Variants in HNF4A observed in about 807,000 individuals in gnomAD.
HNF4A encodes the protein hepatocyte nuclear factor 4 alpha.
HNF4A carries 15 observed loss-of-function variants against 52.4 expected under a neutral mutation model. The observed-to-expected ratio is 0.29, with a 90% CI of 0.19 to 0.44. The LOEUF (loss-of-function observed/expected upper bound fraction) is 0.44, where lower values mean the gene tolerates loss of function less well. HNF4A is among the 20% of genes least tolerant of loss of function. The pLI is 1.00. For synonymous variants in HNF4A, 280 were observed against 264.4 expected, an observed-to-expected ratio of 1.06 and a Z score of -0.57; for missense variants, 479 against 647.2, an observed-to-expected ratio of 0.74 and a Z score of 2.82.
At chr20:44,386,326 C>G (rs563720366) in intron 1 of HNF4A, among the ~76,000 whole-genome samples, 1 of 152,070 alleles carries the variant, frequency 6.6e-6, no homozygotes, top group East Asian at 1.9e-4. Context: ...TGCTACCACG[C>G]TCGGCTAATT....
At chr20:44,362,589 A>C (rs1433243623) in intron 1 of HNF4A, among the ~76,000 whole-genome samples, 1 of 152,012 alleles carries the variant, frequency 6.6e-6, no homozygotes, top group Non-Finnish European at 1.5e-5. Context: ...TGGCTATTTG[A>C]TATGTTTTCT....
chr20:44,367,472 C>G (rs1568690130), intron 1 of HNF4A, among the ~76,000 whole-genome samples: 1 of 150,250 alleles, frequency 6.7e-6, no homozygotes, highest in Non-Finnish European at 1.5e-5. Flanking sequence ...GGTGAAATGC[C>G]GTCTTTACTA....
intron 1 of HNF4A, among the ~76,000 whole-genome samples, chr20:44,396,011 G>T (rs1391266311): frequency 6.6e-6 from 1 of 152,162 alleles, no homozygotes; most frequent in African/African-American, 2.4e-5. Context: ...AGGTCCTTGA[G>T]TTCCCCTGCA....
intron 4 of HNF4A, among the ~76,000 whole-genome samples, 188 bp downstream of exon 4, chr20:44,413,988 C>A (rs536320356): frequency 1.3e-5 from 2 of 152,188 alleles, no homozygotes; most frequent in African/African-American, 2.4e-5. Flanking sequence ...TCGAACCTGG[C>A]GCCCTGGGGC....
In HNF4A at chr20:44,385,544, C is replaced by T. The variant is rs2063212704; in HGVS notation, c.50-20514C>T. Among the ~76,000 whole-genome samples, 8 of 152,098 alleles carry T rather than the reference C, an allele frequency of 5.3e-5. No individual in the cohort carries two copies. In the South Asian group the frequency reaches 1.7e-3, roughly 32 times the overall value. On this transcript the variant is annotated intron_variant, in intron 1 of 9. Transcript: ENST00000316673. ...AGTGTAGTGGCCTGATCTCTTCTCA[C>T]TGCAACCTCCGCCTCCCAGGTTCAA...
intron 1 of HNF4A, among the ~76,000 whole-genome samples, chr20:44,380,494 A>G (rs991696117): frequency 7.2e-5 from 11 of 152,030 alleles, no homozygotes; most frequent in African/African-American, 2.7e-4. Context: ...AAGTTTCACT[A>G]TGTTGCCCAG....
chr20:44,430,660 T>C lies in HNF4A; in HGVS notation c.*995T>C, dbSNP rs976804650. On this transcript the variant is annotated 3_prime_UTR_variant, in exon 10 of 10. Coordinates refer to ENST00000316099, the MANE Select transcript of HNF4A (RefSeq NM_000457.6). ...AGAGGGCCTGCTGGAGAGCATAGGG[T>C]CTGGAACACCAGGCTGAGGTCCTGA... The C allele has an allele frequency of 3.3e-5, 5 of 152,374 alleles. No homozygotes were observed. The highest frequency in any genetic ancestry group is 1.2e-4 in the African/African-American group (5 of 41,384). The allele number at this position is 152,374 out of a possible 1,614,324, so 9.4% of individuals were successfully genotyped here.
intron 1 of HNF4A, among the ~76,000 whole-genome samples, chr20:44,369,455 A>C (rs2063009131): frequency 6.6e-6 from 1 of 151,864 alleles, no homozygotes; most frequent in Admixed American, 6.6e-5. Flanking sequence ...AAAATAAATA[A>C]ATAAATGAAA....
chr20:44,379,686 A>C (rs2063128984), intron 1 of HNF4A, among the ~76,000 whole-genome samples: 1 of 148,000 alleles, frequency 6.8e-6, no homozygotes, highest in African/African-American at 2.5e-5. Flanking sequence ...CAGGTAGCTG[A>C]GATTACAGGC....
At chr20:44,392,242 T>C (rs1377592073) in intron 1 of HNF4A, 2 of 151,994 alleles carry the variant, frequency 1.3e-5, no homozygotes, top group Non-Finnish European at 2.9e-5. Context: ...CTCATTTAAT[T>C]GGCATTTTGA....
At chr20:44,388,846 C>A (rs1408565104) in intron 1 of HNF4A, among the ~76,000 whole-genome samples, 5 of 152,234 alleles carry the variant, frequency 3.3e-5, no homozygotes, top group Admixed American at 3.3e-4. Context: ...TGTCAGGGCT[C>A]CCAGCTGCGG....
rs3181209 is a variant in HNF4A at position 44,403,745 on chromosome 20, G to A, written c.115+2258G>A. ...CCATAAACCCATGGCTCTGCTTCAC[G>A]GGAAGCAGTGCGATGACACCAGGAA... On this transcript the variant is annotated intron_variant, in intron 1 of 9. Transcript: ENST00000316099. 1.8e-3 allele frequency among the ~76,000 whole-genome samples: 268 copies of A among 152,180 alleles called. 2 individuals carry two copies. The highest frequency in any genetic ancestry group is 0.014 in the South Asian group (69 of 4,822).
chr20:44,360,992 A>C (rs1600625302), intron 1 of HNF4A, among the ~76,000 whole-genome samples: 2 of 152,206 alleles, frequency 1.3e-5, no homozygotes, highest in East Asian at 1.9e-4. Flanking sequence ...GGATAGGCCC[A>C]AAATCGAGTA....
chr20:44,404,586 A>G (rs1301345251), intron 1 of HNF4A, among the ~76,000 whole-genome samples: 2 of 149,534 alleles, frequency 1.3e-5, no homozygotes, highest in Non-Finnish European at 3.0e-5. Context: ...ACATTTGTAT[A>G]TGTGTGTGTT....
At chr20:44,420,082 A>G (rs754692193) in intron 7 of HNF4A, among the ~76,000 whole-genome samples, 1 of 152,204 alleles carries the variant, frequency 6.6e-6, no homozygotes, top group Non-Finnish European at 1.5e-5. Flanking sequence ...CTGTAATCCC[A>G]GCACTTTGGG....
In HNF4A at chr20:44,432,472, T is replaced by TA. The variant is rs1362269268; in HGVS notation, c.*2807_*2808insA. On this transcript the variant is annotated 3_prime_UTR_variant, in exon 10 of 10. Coordinates refer to ENST00000316099, the MANE Select transcript of HNF4A (RefSeq NM_000457.6). The stretch of plus-strand genomic sequence containing the variant: ...ATTTCCCCACCAAGACACCCTGATC[T>TA]TCAGGCGGGTCTCAGGAGCTTCTAA... 2 of 150,754 alleles carry TA rather than the reference T, an allele frequency of 1.3e-5. No individual in the cohort carries two copies. Among genetic ancestry groups the TA allele is most frequent in the African/African-American group, 2.4e-5 (1 of 41,012 alleles). 9.3% of individuals were successfully genotyped at this position (150,754 alleles called of 1,614,324 possible). A position where few individuals can be genotyped will look rare whatever the true frequency, so the allele number is the denominator to read the frequency against.
intron 1 of HNF4A, among the ~76,000 whole-genome samples, chr20:44,356,239 G>T (rs2062856568): frequency 1.3e-5 from 2 of 152,212 alleles, no homozygotes; most frequent in East Asian, 3.9e-4. Flanking sequence ...CCTAGGTCAC[G>T]TTGCTGGTGC....
At chr20:44,396,916 A>G (rs1425596060), upstream of HNF4A, among the ~76,000 whole-genome samples, 1 of 152,208 alleles carries the variant, frequency 6.6e-6, no homozygotes, top group African/African-American at 2.4e-5. Context: ...TCCCCTAAAG[A>G]GAGGTCAGGG....
intron 1 of HNF4A, among the ~76,000 whole-genome samples, chr20:44,368,405 G>C (rs888612807): frequency 1.3e-5 from 2 of 151,528 alleles, no homozygotes; most frequent in African/African-American, 4.9e-5. Context: ...GACCTCAAGT[G>C]ATCCACCTGC....
Sources: allele counts gnomAD v4.1 joint callset (sites outside exome capture counted in the v4.1 genomes callset), GRCh38; gene constraint gnomAD v4.1.1; transcripts MANE v1.5; gene names NCBI Gene and HGNC (gene_info 2026-07-23, HGNC 2026-07-21).